Variants in ACOXL observed in about 807,000 individuals in gnomAD.
ACOXL encodes acyl-coenzyme A oxidase-like protein.
Under a neutral mutation model 71.9 loss-of-function variants are expected in ACOXL, and 70 were observed. The ratio of observed to expected loss-of-function variants is 0.97; its 90% CI spans 0.80 to 1.19. The LOEUF (loss-of-function observed/expected upper bound fraction) is 1.19. Among genes scored for constraint, ACOXL ranks in the 50% most tolerant of loss-of-function variants. The pLI, the probability that ACOXL is intolerant of heterozygous loss-of-function variation, is 0.00. For missense variants in ACOXL, 703 were observed against 736.3 expected (o/e 0.95, Z 0.52); for synonymous variants, 253 against 281.6 (o/e 0.90, Z 1.02).
At position 110,910,640 on chromosome 2, in the gene ACOXL, C is replaced by T. The variant is rs533481137; in HGVS notation, c.905+1735C>T. Among the ~76,000 whole-genome samples, 5 of 152,254 alleles carry T rather than the reference C, an allele frequency of 3.3e-5. No homozygotes were observed. In the South Asian group the frequency reaches 1.0e-3, roughly 32 times the overall value. ...TTCAGTTCTTTCTTAATCATATTCA[C>T]ACTAGTAGGCATGAAATGTTGTCAC... On this transcript the variant is annotated intron_variant, in intron 11 of 17. Coordinates refer to ENST00000439055, the MANE Select transcript of ACOXL (RefSeq NM_001142807.4).
chr2:110,893,123 T>C (rs2058858794), intron 10 of ACOXL, among the ~76,000 whole-genome samples: 1 of 152,132 alleles, frequency 6.6e-6, no homozygotes, highest in Non-Finnish European at 1.5e-5. Context: ...GCAAAAGTAT[T>C]AGGTTAAATT....
intron 14 of ACOXL, among the ~76,000 whole-genome samples, chr2:111,011,075 T>C (rs11896172): frequency 0.81 from 123,137 of 152,172 alleles, 50,120 homozygotes; most frequent in Middle Eastern, 0.91. Context: ...ATTCAATTGA[T>C]GGTTTATAGC....
chr2:111,053,567 C>T (rs1286149003), intron 16 of ACOXL, among the ~76,000 whole-genome samples: 2 of 152,290 alleles, frequency 1.3e-5, no homozygotes, highest in South Asian at 4.1e-4. Flanking sequence ...CCAGACCCTC[C>T]CTGTCCCCAC....
intron 12 of ACOXL, among the ~76,000 whole-genome samples, chr2:110,974,257 T>G (rs2062346567): frequency 6.6e-6 from 1 of 152,244 alleles, no homozygotes; most frequent in South Asian, 2.1e-4. Flanking sequence ...ATTCTGATAT[T>G]ACCTACAGTG....
chr2:110,868,511 G>A (rs1345049073), intron 10 of ACOXL, among the ~76,000 whole-genome samples: 1 of 152,212 alleles, frequency 6.6e-6, no homozygotes, highest in East Asian at 1.9e-4. Flanking sequence ...ATCACAACCA[G>A]CTGGCCTGGT....
intron 16 of ACOXL, among the ~76,000 whole-genome samples, chr2:111,062,871 AAGAGCT>A (rs2066886453): frequency 6.6e-6 from 1 of 152,158 alleles, no homozygotes; most frequent in East Asian, 1.9e-4. Flanking sequence ...CAACGAAACA[AAGAGCT>A]AGATCTTTTA....
rs1353397300 is a variant in ACOXL, at chr2:111,020,962, A to T, written c.1282-10665A>T. On this transcript the variant is annotated intron_variant, in intron 14 of 17. Transcript: ENST00000439055. ...TATGTCCTGGTTGCTGGACCCATTC[A>T]TAGCATTATCAATGCCATCGATCAC... 2.0e-5 allele frequency among the ~76,000 whole-genome samples: 3 copies of T among 152,210 alleles called. No homozygotes were observed. In the East Asian group the frequency reaches 5.8e-4, roughly 29 times the overall value.
chr2:111,065,134 A>C (rs1444616295), intron 16 of ACOXL, among the ~76,000 whole-genome samples: 1 of 152,238 alleles, frequency 6.6e-6, no homozygotes, highest in East Asian at 1.9e-4. Flanking sequence ...ACTGTATGGT[A>C]TTGGCAGGTG....
intron 10 of ACOXL, among the ~76,000 whole-genome samples, chr2:110,894,584 T>G (rs1203977472): frequency 2.6e-5 from 4 of 152,166 alleles, no homozygotes; most frequent in Non-Finnish European, 5.9e-5. Context: ...AACAGGGATC[T>G]GGGACTGGTA....
intron 10 of ACOXL, among the ~76,000 whole-genome samples, chr2:110,870,844 C>T (rs966796698): frequency 6.6e-6 from 1 of 152,120 alleles, no homozygotes; most frequent in African/African-American, 2.4e-5. Flanking sequence ...GGGAGGAACC[C>T]ATATAGGGGT....
chr2:111,053,210 A>T (rs2066381216), intron 16 of ACOXL, among the ~76,000 whole-genome samples: 1 of 152,200 alleles, frequency 6.6e-6, no homozygotes, highest in South Asian at 2.1e-4. Context: ...CTTGAGAATG[A>T]ACCAACCTGG....
chr2:111,086,282 T>C (rs547051921), intron 16 of ACOXL, among the ~76,000 whole-genome samples: 1 of 152,288 alleles, frequency 6.6e-6, no homozygotes, highest in East Asian at 1.9e-4. Context: ...TTTAGGGCAA[T>C]ATCCTTGATG....
intron 10 of ACOXL, among the ~76,000 whole-genome samples, chr2:110,884,159 AG>A (rs1166896442): frequency 6.6e-6 from 1 of 152,252 alleles, no homozygotes; most frequent in Admixed American, 6.5e-5. Context: ...AAGGAGAAGA[AG>A]ACCCAAAAAA....
At chr2:110,993,295 A>C (rs2062225) in intron 13 of ACOXL, among the ~76,000 whole-genome samples, 1 of 152,116 alleles carries the variant, frequency 6.6e-6, no homozygotes, top group Non-Finnish European at 1.5e-5. Flanking sequence ...CCCTTCTTGG[A>C]CAATCTCACT....
intron 17 of ACOXL, among the ~76,000 whole-genome samples, chr2:111,115,773 A>G (rs2070307536): frequency 6.6e-6 from 1 of 152,072 alleles, no homozygotes; most frequent in East Asian, 1.9e-4. Flanking sequence ...TTGGCAGTCA[A>G]CTCCTCTTCA....
At chr2:110,886,533 C>G (rs986322232) in intron 10 of ACOXL, among the ~76,000 whole-genome samples, 2 of 151,956 alleles carry the variant, frequency 1.3e-5, no homozygotes, top group Non-Finnish European at 2.9e-5. Flanking sequence ...TGCACCACCA[C>G]GCTTGGCTAG....
At chr2:110,889,377 G>T in intron 10 of ACOXL, among the ~76,000 whole-genome samples, 1 of 152,116 alleles carries the variant, frequency 6.6e-6, no homozygotes. Context: ...TTTCATTTAA[G>T]GTATGCCATA....
intron 9 of ACOXL, among the ~76,000 whole-genome samples, chr2:110,806,800 G>T (rs1686702919): frequency 6.6e-6 from 1 of 152,192 alleles, no homozygotes; most frequent in African/African-American, 2.4e-5. Flanking sequence ...GTTTTGATGG[G>T]GTGATGATGT....
At chr2:110,951,054 A>G (rs1336478185) in intron 12 of ACOXL, among the ~76,000 whole-genome samples, 3 of 152,152 alleles carry the variant, frequency 2.0e-5, no homozygotes, top group Admixed American at 1.3e-4. Context: ...CTCAGATCAA[A>G]TGCTGAATCT....
Sources: gnomAD v4.1 joint callset for allele counts (sites outside exome capture counted in the v4.1 genomes callset) on GRCh38, gnomAD v4.1.1 for gene constraint, MANE v1.5 for transcripts, NCBI Gene and HGNC (gene_info 2026-07-23, HGNC 2026-07-21) for gene names.